FRMPD3: variants seen among roughly 807,000 people sequenced by gnomAD.
FRMPD3 encodes FERM and PDZ domain containing 3, also known as FERM and PDZ domain-containing protein 3.
In FRMPD3, 42 loss-of-function variants were observed where a neutral mutation model predicts 97.9. The ratio of observed to expected loss-of-function variants is 0.43; its 90% CI spans 0.34 to 0.55. The LOEUF is 0.55. FRMPD3 is among the 20% of genes least tolerant of loss of function. FRMPD3 has a pLI of 0.03. For synonymous variants in FRMPD3, 577 were observed against 581.1 expected (o/e 0.99, Z 0.10); for missense variants, 1,303 against 1,457.7 (o/e 0.89, Z 1.73).
chrX:107,496,689 T>C (rs1433187983), intron 1 of FRMPD3, among the ~76,000 whole-genome samples: 1 of 111,124 alleles, frequency 9.0e-6, no homozygotes, highest in Non-Finnish European at 1.9e-5. Context: ...GGGCTTTGGG[T>C]CTGGGTGACT....
At chrX:107,529,595 A>AAAAAG (rs1014393184) in intron 2 of FRMPD3, among the ~76,000 whole-genome samples, 2 of 111,341 alleles carry the variant, frequency 1.8e-5, no homozygotes, top group Non-Finnish European at 3.8e-5. Flanking sequence ...AAAAAAATAA[A>AAAAAG]AAAAGAAAAG....
At chrX:107,585,307 T>C (rs1361483032) in intron 13 of FRMPD3, among the ~76,000 whole-genome samples, 1 of 111,799 alleles carries the variant, frequency 8.9e-6, no homozygotes, top group Non-Finnish European at 1.9e-5. Context: ...CCTGAGACTT[T>C]GCTGAAGTTG....
intron 13 of FRMPD3, among the ~76,000 whole-genome samples, chrX:107,588,355 A>G (rs1361720520): frequency 9.1e-6 from 1 of 110,352 alleles, no homozygotes; most frequent in Admixed American, 9.7e-5. Flanking sequence ...CTCAGGTTCA[A>G]GTGATTTTCC....
At chrX:107,524,707 T>A (rs1922622736) in intron 1 of FRMPD3, among the ~76,000 whole-genome samples, 1 of 112,656 alleles carries the variant, frequency 8.9e-6, no homozygotes, top group Non-Finnish European at 1.9e-5. Context: ...ATTGCATTGC[T>A]CTCGGCTAGG....
chrX:107,576,667 A>G (rs1272927074), intron 13 of FRMPD3, among the ~76,000 whole-genome samples: 1 of 112,402 alleles, frequency 8.9e-6, no homozygotes, highest in Non-Finnish European at 1.9e-5. Flanking sequence ...CACAAAGGAT[A>G]CCTGTGACAA....
chrX:107,479,220 T>C (rs772409299), intron 1 of FRMPD3, among the ~76,000 whole-genome samples: 25 of 112,377 alleles, frequency 2.2e-4, no homozygotes, highest in Non-Finnish European at 1.9e-5. Flanking sequence ...AGGAAGGCCA[T>C]TGCTTCCACC....
chrX:107,573,279 G>A (rs17326675), intron 12 of FRMPD3, among the ~76,000 whole-genome samples: 1,730 of 110,921 alleles, frequency 0.016, 35 homozygotes, highest in Admixed American at 0.081. Flanking sequence ...AGGGATGGCC[G>A]CGATGTGAAA....
At position 107,603,040 on chromosome X, in the gene FRMPD3, C is replaced by T; in HGVS notation, c.5001C>T (p.Ser1667=). ...TCACGGGCAGCTTCCAGGTGCTGAGCAGCCTCATTGAGACCTTCGTGCGGC... is the reference window on the plus strand; with the variant it reads ...TCACGGGCAGCTTCCAGGTGCTGAGTAGCCTCATTGAGACCTTCGTGCGGC... ...AAITGSFQVL[S]SLIETFVRLV... is the part of the protein sequence containing the mutation. Residue 1667 remains serine (S), a synonymous_variant, in exon 15 of 15, where the codon AGC becomes AGT. Transcript: ENST00000683843. 8.3e-7 allele frequency: 1 copy of T among 1,211,255 alleles called. No individual in the cohort carries two copies. The highest frequency in any genetic ancestry group is 1.1e-6 in the Non-Finnish European group (1 of 895,521).
chrX:107,573,262 T>C (rs1181516528), intron 12 of FRMPD3, among the ~76,000 whole-genome samples: 2 of 111,117 alleles, frequency 1.8e-5, no homozygotes, highest in African/African-American at 6.6e-5. Flanking sequence ...AATGAAGCAG[T>C]GGCAGTAGGG....
chrX:107,473,462 A>G (rs1158581058), intron 1 of FRMPD3, among the ~76,000 whole-genome samples: 3 of 111,607 alleles, frequency 2.7e-5, no homozygotes, highest in African/African-American at 6.5e-5. Context: ...TCTACCCCAC[A>G]GTTGTTTGGC....
intron 1 of FRMPD3, among the ~76,000 whole-genome samples, chrX:107,483,075 G>A (rs1461594722): frequency 8.9e-6 from 1 of 111,840 alleles, no homozygotes; most frequent in Non-Finnish European, 1.9e-5. Context: ...TGGCAGCTCA[G>A]TCTCTCTCAG....
chrX:107,467,539 T>G (rs1265415817), intron 1 of FRMPD3, among the ~76,000 whole-genome samples: 1 of 111,751 alleles, frequency 8.9e-6, no homozygotes, highest in Non-Finnish European at 1.9e-5. Flanking sequence ...TGGAACATCG[T>G]GTCTGGCCGA....
intron 1 of FRMPD3, among the ~76,000 whole-genome samples, chrX:107,472,248 T>C (rs1189664515): frequency 8.9e-6 from 1 of 112,192 alleles, no homozygotes; most frequent in Admixed American, 9.4e-5. Context: ...GTAGGTTGCC[T>C]GTTCACTCTG....
chrX:107,589,585 C>T (rs768804992), intron 13 of FRMPD3, among the ~76,000 whole-genome samples: 8 of 111,167 alleles, frequency 7.2e-5, no homozygotes, highest in Non-Finnish European at 1.3e-4. Flanking sequence ...TGTTGGTTGC[C>T]GTTAAAGGAT....
intron 7 of FRMPD3, among the ~76,000 whole-genome samples, chrX:107,554,142 T>A (rs948393652): frequency 1.8e-5 from 2 of 111,220 alleles, no homozygotes; most frequent in African/African-American, 3.3e-5. Context: ...TTGATAAAGG[T>A]CATGTCCTAG....
chrX:107,473,886 C>T (rs1485791274), intron 1 of FRMPD3, among the ~76,000 whole-genome samples: 3 of 111,943 alleles, frequency 2.7e-5, no homozygotes, highest in African/African-American at 9.8e-5. Context: ...GAGTTCGAGA[C>T]CAGCCTGGCC....
intron 1 of FRMPD3, among the ~76,000 whole-genome samples, chrX:107,466,932 C>T (rs1602751712): frequency 9.1e-6 from 1 of 110,277 alleles, no homozygotes; most frequent in Middle Eastern, 4.6e-3. Context: ...TTCTGGGAAC[C>T]AGAAAGACAT....
chrX:107,486,036 G>A (rs901268562), intron 1 of FRMPD3, among the ~76,000 whole-genome samples: 7 of 112,192 alleles, frequency 6.2e-5, no homozygotes, highest in Non-Finnish European at 1.3e-4. Flanking sequence ...TGTCCATGAC[G>A]GAGTGAGCTT....
At chrX:107,528,192 C>A (rs755900171) in intron 2 of FRMPD3, among the ~76,000 whole-genome samples, 1 of 111,935 alleles carries the variant, frequency 8.9e-6, no homozygotes, top group African/African-American at 3.2e-5. Context: ...AAAAGCTGAT[C>A]CGTAGTGCTG....
Sources: allele counts gnomAD v4.1 joint callset (sites outside exome capture counted in the v4.1 genomes callset), GRCh38; gene constraint gnomAD v4.1.1; transcripts MANE v1.5; gene names NCBI Gene and HGNC (gene_info 2026-07-23, HGNC 2026-07-21).